ALDH1L1: variants seen among roughly 807,000 people sequenced by gnomAD.
The protein encoded by ALDH1L1 is aldehyde dehydrogenase 1 family member L1.
A neutral mutation model predicts 101.1 loss-of-function variants in ALDH1L1; 68 were observed. The ratio of observed to expected loss-of-function variants is 0.67; its 90% CI spans 0.55 to 0.82. The LOEUF (loss-of-function observed/expected upper bound fraction) is 0.82. Among genes scored for constraint, ALDH1L1 ranks in the 40% least tolerant of loss-of-function variants. The pLI is 0.00. For synonymous variants in ALDH1L1, 486 were observed against 470.8 expected (o/e 1.03, Z -0.42); for missense variants, 1,087 against 1,172.7 (o/e 0.93, Z 1.07).
chr3:126,148,623 TGAGCCCAGCCCTCCA>T (rs1323841026), intron 8 of ALDH1L1, among the ~76,000 whole-genome samples: 1 of 152,180 alleles, frequency 6.6e-6, no homozygotes, highest in Non-Finnish European at 1.5e-5. Flanking sequence ...GAGGAGGACT[TGAGCCCAGCCCTCCA>T]GAGCCCGGAC....
rs988161064 is a variant in ALDH1L1 at position 126,158,002 on chromosome 3, G to A, written c.362+403C>T. Among the ~76,000 whole-genome samples the A allele has an allele frequency of 1.2e-4, 18 of 152,230 alleles. No individual in the cohort carries two copies. In the South Asian group the frequency reaches 3.3e-3, roughly 28 times the overall value. On this transcript the variant is annotated intron_variant, in intron 3 of 22. Transcript: ENST00000393434. ...ATCTTTATCTCTTTCTACGAAGTGT[G>A]CTGCCCAGAGCAGCGGCAGTGGAAG...
chr3:126,194,685 G>A (rs535457126), intron 1 of ALDH1L1, among the ~76,000 whole-genome samples: 41 of 152,018 alleles, frequency 2.7e-4, no homozygotes, highest in African/African-American at 7.0e-4. Flanking sequence ...GAAAACTTCC[G>A]CAACTTGTTC....
intron 19 of ALDH1L1, 162 bp from the exon 20 acceptor site, chr3:126,110,271 G>T: frequency 1.1e-6 from 1 of 911,466 alleles, no homozygotes; most frequent in Non-Finnish European, 1.6e-6. Context: ...CTTCCAGGCT[G>T]AAATCCCAAA....
chr3:126,161,674 T>G (rs1205177601), intron 1 of ALDH1L1, among the ~76,000 whole-genome samples: 1 of 152,236 alleles, frequency 6.6e-6, no homozygotes, highest in African/African-American at 2.4e-5. Context: ...TGAACTATTA[T>G]TCACTTAATA....
chr3:126,164,401 G>C (rs2108311203), intron 1 of ALDH1L1, among the ~76,000 whole-genome samples: 1 of 152,310 alleles, frequency 6.6e-6, no homozygotes, highest in East Asian at 1.9e-4. Flanking sequence ...GCAGTCTGCA[G>C]TGTCTGTTGT....
At chr3:126,113,745 T>C (rs914912898) in intron 18 of ALDH1L1, among the ~76,000 whole-genome samples, 1 of 152,172 alleles carries the variant, frequency 6.6e-6, no homozygotes, top group Non-Finnish European at 1.5e-5. Flanking sequence ...GGGGGCATAT[T>C]TGGGGACCTG....
Position 126,103,714 on chromosome 3 carries a change from G to C in ALDH1L1, c.*77C>G. ...ACTAGCCCCCCAGGTGGGAGGTGCT[G>C]TGCACCCAGGCTCAAGAGGGAGGGG... On this transcript the variant is annotated 3_prime_UTR_variant, in exon 23 of 23. Coordinates refer to ENST00000393434, the MANE Select transcript of ALDH1L1 (RefSeq NM_012190.4). The C allele has an allele frequency of 6.6e-7, 1 of 1,506,106 alleles. No individual in the cohort carries two copies. Among genetic ancestry groups the C allele is most frequent in the Non-Finnish European group, 9.1e-7 (1 of 1,095,400 alleles). 93.3% of individuals were successfully genotyped at this position (1,506,106 alleles called of 1,614,324 possible). A position where few individuals can be genotyped will look rare whatever the true frequency, so the allele number is the denominator to read the frequency against.
At chr3:126,193,068 G>A (rs928702029) in intron 1 of ALDH1L1, among the ~76,000 whole-genome samples, 4 of 152,198 alleles carry the variant, frequency 2.6e-5, no homozygotes, top group Non-Finnish European at 5.9e-5. Context: ...AGGACTCAGC[G>A]ACTGTTACAA....
intron 1 of ALDH1L1, among the ~76,000 whole-genome samples, chr3:126,196,927 G>C (rs1410985781): frequency 6.6e-6 from 1 of 152,196 alleles, no homozygotes; most frequent in African/African-American, 2.4e-5. Context: ...GTCTAGAGTA[G>C]TTAATTTTGA....
chr3:126,155,538 T>C (rs1164190740), intron 4 of ALDH1L1, 35 bp from the exon 5 acceptor site: 6 of 1,582,004 alleles, frequency 3.8e-6, no homozygotes, highest in African/African-American at 2.7e-5. Flanking sequence ...TCCCCAGCAA[T>C]AGGACCCTGC....
At chr3:126,147,887 C>A (rs2080727965) in intron 8 of ALDH1L1, among the ~76,000 whole-genome samples, 1 of 152,204 alleles carries the variant, frequency 6.6e-6, no homozygotes, top group East Asian at 1.9e-4. Flanking sequence ...CTGCCACACA[C>A]CTGCTGCCTG....
chr3:126,186,673 AT>A (rs58006195), intron 1 of ALDH1L1, among the ~76,000 whole-genome samples: 16,500 of 152,070 alleles, frequency 0.11, 1,314 homozygotes, highest in African/African-American at 0.22. Context: ...GGACCCTCCA[AT>A]GGCTAAGTCT....
In ALDH1L1 at chr3:126,103,858, C is replaced by T. The variant is rs1945763535; in HGVS notation, c.2654-12G>A. The stretch of plus-strand genomic sequence containing the variant: ...CAGAGCCGCCTCTCCTGTAAGACAC[C>T]ACAAAGGTCACAGCAGCTCCCACCA... On this transcript the variant is annotated splice_polypyrimidine_tract_variant and intron_variant, in intron 22 of 22. Transcript: ENST00000393434. 1 of 1,612,448 alleles carries T rather than the reference C, an allele frequency of 6.2e-7. No individual in the cohort carries two copies. The highest frequency in any genetic ancestry group is 8.5e-7 in the Non-Finnish European group (1 of 1,179,302).
At chr3:126,126,672 G>A (rs28560169) in intron 14 of ALDH1L1, among the ~76,000 whole-genome samples, 10,967 of 152,220 alleles carry the variant, frequency 0.072, 1,133 homozygotes, top group African/African-American at 0.23. Context: ...TACAGTGAAC[G>A]GGGCTGAGGG....
chr3:126,145,495 T>C (rs1223705938), intron 9 of ALDH1L1, among the ~76,000 whole-genome samples: 3 of 152,148 alleles, frequency 2.0e-5, no homozygotes, highest in South Asian at 2.1e-4. Context: ...GAAATAGGAT[T>C]CAGCCATAAA....
chr3:126,150,100 A>G (rs1156831335), intron 8 of ALDH1L1, among the ~76,000 whole-genome samples: 2 of 152,194 alleles, frequency 1.3e-5, no homozygotes, highest in Non-Finnish European at 2.9e-5. Context: ...TCACAGGGAC[A>G]TGGGCTTGAC....
At chr3:126,192,931 C>T (rs1183494786) in intron 1 of ALDH1L1, among the ~76,000 whole-genome samples, 1 of 152,180 alleles carries the variant, frequency 6.6e-6, no homozygotes, top group Non-Finnish European at 1.5e-5. Flanking sequence ...AGGGAAGTGA[C>T]ATACAGGAAT....
chr3:126,190,476 G>A lies in ALDH1L1; in HGVS notation c.-24+7259C>T, dbSNP rs182334882. Among the ~76,000 whole-genome samples, 54 of 152,290 alleles carry A rather than the reference G, an allele frequency of 3.5e-4. No individual in the cohort carries two copies. In the South Asian group the frequency reaches 4.8e-3, roughly 13 times the overall value. ...AAGTGGCTATCCAGGGCCTCCATGG[G>A]TCCACACTTCACGCTGAATTTACGT... On this transcript the variant is annotated intron_variant, in intron 1 of 2. Transcript: ENST00000509952.
intron 1 of ALDH1L1, among the ~76,000 whole-genome samples, chr3:126,193,384 G>T (rs989283383): frequency 6.6e-6 from 1 of 152,116 alleles, no homozygotes; most frequent in African/African-American, 2.4e-5. Flanking sequence ...GTTTGGTTTG[G>T]TCTGTTGGAG....
Sources: allele counts gnomAD v4.1 joint callset (sites outside exome capture counted in the v4.1 genomes callset), GRCh38; gene constraint gnomAD v4.1.1; transcripts MANE v1.5; gene names NCBI Gene and HGNC (gene_info 2026-07-23, HGNC 2026-07-21).